The following HNRNPA3 variants were observed in gnomAD, a reference collection of about 807,000 sequenced individuals.
HNRNPA3 encodes epididymis secretory sperm binding protein.
Under a neutral mutation model 45.8 loss-of-function variants are expected in HNRNPA3, and 3 were observed. The ratio of observed to expected loss-of-function variants is 0.07; its 90% CI spans 0.03 to 0.17. The LOEUF (loss-of-function observed/expected upper bound fraction) is 0.17, where lower values mean the gene tolerates loss of function less well. Ranked by LOEUF, HNRNPA3 falls within the 10% of genes least tolerant of loss-of-function variation. The pLI is 1.00. For synonymous variants in HNRNPA3, 170 were observed against 155.6 expected, an observed-to-expected ratio of 1.09 and a Z score of -0.69; for missense variants, 183 against 480.3, an observed-to-expected ratio of 0.38 and a Z score of 5.79.
Position 177,217,695 on chromosome 2 carries a change from GTTTT to G in HNRNPA3, c.821-6_821-3del, listed in dbSNP as rs754028939. On this transcript the variant is annotated splice_region_variant and splice_polypyrimidine_tract_variant and intron_variant, in intron 7 of 10. Transcript: ENST00000392524. ...TTTTTGTGTGGTCTTGTTATTTGTT[GTTTT>G]TTTAGGTGGCAACTATGGCGGTGGT... is the stretch of plus-strand genomic sequence containing the variant. 2.9e-5 allele frequency: 46 copies of G among 1,612,260 alleles called. No individual in the cohort carries two copies. The highest frequency in any genetic ancestry group is 3.8e-5 in the Non-Finnish European group (45 of 1,179,788).
At chr2:177,222,980 T>G (rs1689249607), downstream of HNRNPA3, 1 of 152,612 alleles carries the variant, frequency 6.6e-6, no homozygotes, top group Non-Finnish European at 1.5e-5. Context: ...AACACTGAAT[T>G]ACCGTTCAAA....
At chr2:177,216,971 A>G (rs774781242) in intron 7 of HNRNPA3, 31 bp downstream of exon 7, 1 of 1,453,740 alleles carries the variant, frequency 6.9e-7, no homozygotes, top group Non-Finnish European at 9.2e-7. Flanking sequence ...GATGTTTGAT[A>G]TTTTAACTTT....
chr2:177,223,671 A>G (rs552359144), downstream of HNRNPA3: 7 of 152,344 alleles, frequency 4.6e-5, no homozygotes, highest in Admixed American at 2.0e-4. Flanking sequence ...TAAGCATGCC[A>G]GTGTGCAAGG....
At chr2:177,215,923 T>A in intron 3 of HNRNPA3, 27 bp downstream of exon 3, 2 of 1,597,444 alleles carry the variant, frequency 1.3e-6, no homozygotes, top group Non-Finnish European at 1.7e-6. Context: ...TTGTGTAATA[T>A]GTGAAATTGT....
At chr2:177,216,417 T>A (rs1473761647) in intron 4 of HNRNPA3, 86 bp from the exon 5 acceptor site, 10 of 934,122 alleles carry the variant, frequency 1.1e-5, no homozygotes, top group Non-Finnish European at 1.7e-5. Context: ...TCTTAATGGG[T>A]TACATAATGA....
At chr2:177,216,767 A>C in exon 6 of HNRNPA3, 1 of 1,614,166 alleles carries the variant, frequency 6.2e-7, no homozygotes, top group Admixed American at 1.7e-5. Context: ...ACTTTGGTGG[A>C]AGAGGTAGGC....
At chr2:177,214,009 A>T (rs1296890132) in intron 1 of HNRNPA3, among the ~76,000 whole-genome samples, 1 of 152,234 alleles carries the variant, frequency 6.6e-6, no homozygotes, top group East Asian at 1.9e-4. Flanking sequence ...ATCTCTTCAC[A>T]TTAAACGGTT....
chr2:177,217,762 G>C, exon 8 of HNRNPA3: 1 of 1,613,256 alleles, frequency 6.2e-7, no homozygotes, highest in East Asian at 2.2e-5. Flanking sequence ...GGTGGTGGTG[G>C]ACCAGGATAT....
chr2:177,220,544 A>G (rs528335799), downstream of HNRNPA3: 1 of 153,014 alleles, frequency 6.5e-6, no homozygotes, highest in South Asian at 2.1e-4. Context: ...ACTGGCTGGC[A>G]TGCTTTCCTG....
Position 177,219,235 on chromosome 2 carries a change from G to T in HNRNPA3, c.1085-12G>T. 1 of 1,612,836 alleles carries T rather than the reference G, an allele frequency of 6.2e-7. No homozygotes were observed. The highest frequency in any genetic ancestry group is 1.3e-5 in the African/African-American group (1 of 74,960). On this transcript the variant is annotated splice_polypyrimidine_tract_variant and intron_variant, in intron 9 of 10. Coordinates refer to ENST00000392524, the Ensembl canonical transcript of HNRNPA3. Reference sequence around the variant, plus strand: ...GTGCATACTTCTTTTAAAATACTATGTATATTTTCAGGTGGTTATGGATCT... The same window carrying T: ...GTGCATACTTCTTTTAAAATACTATTTATATTTTCAGGTGGTTATGGATCT...
At chr2:177,219,219 T>A (rs775545799) in intron 9 of HNRNPA3, 28 bp from the exon 10 acceptor site, 15 of 1,611,776 alleles carry the variant, frequency 9.3e-6, no homozygotes, top group East Asian at 2.2e-5. Context: ...TGTGCATACT[T>A]CTTTTAAAAT....
chr2:177,216,079 G>A, exon 4 of HNRNPA3: 2 of 1,557,316 alleles, frequency 1.3e-6, no homozygotes, highest in Non-Finnish European at 1.8e-6. Flanking sequence ...ACTTTGAAAA[G>A]TATGGCAAGA....
In HNRNPA3 at chr2:177,214,237, A is replaced by C. The variant is rs115850389; in HGVS notation, c.73-1302A>C. On this transcript the variant is annotated intron_variant, in intron 1 of 10. Coordinates refer to ENST00000392524, the Ensembl canonical transcript of HNRNPA3. ...TGCTGTACTCCGTTCTTATAGTCAGACAATACATACCATTCCTAATGTAAG... is the reference window on the plus strand; with the variant it reads ...TGCTGTACTCCGTTCTTATAGTCAGCCAATACATACCATTCCTAATGTAAG... 7.9e-3 allele frequency among the ~76,000 whole-genome samples: 1,202 copies of C among 152,388 alleles called. 19 individuals carry two copies. The highest frequency in any genetic ancestry group is 0.027 in the African/African-American group (1,141 of 41,590).
At chr2:177,217,229 G>A (rs1688979761) in intron 7 of HNRNPA3, among the ~76,000 whole-genome samples, 1 of 25,732 alleles carries the variant, frequency 3.9e-5, no homozygotes, top group African/African-American at 1.8e-4. Flanking sequence ...TTTACTATCA[G>A]AAGATGGGTT....
chr2:177,213,652 T>A (rs1241980751), intron 1 of HNRNPA3, among the ~76,000 whole-genome samples: 1 of 152,274 alleles, frequency 6.6e-6, no homozygotes, highest in Non-Finnish European at 1.5e-5. Flanking sequence ...AATTTGAGTG[T>A]AGATGTGAAA....
chr2:177,216,785 C>CT lies in HNRNPA3; in HGVS notation c.739+16dup. The CT allele has an allele frequency of 6.2e-7, 1 of 1,614,016 alleles. No homozygotes were observed. The highest frequency in any genetic ancestry group is 8.5e-7 in the Non-Finnish European group (1 of 1,179,960). On this transcript the variant is annotated intron_variant, in intron 6 of 10. Coordinates refer to ENST00000392524, the Ensembl canonical transcript of HNRNPA3. ...TTGGTGGAAGAGGTAGGCTGTTTATCTTCTAAGTACATGGATACCTGACAT... is the reference window on the plus strand; with the variant it reads ...TTGGTGGAAGAGGTAGGCTGTTTATCTTTCTAAGTACATGGATACCTGACAT...
chr2:177,217,813 A>G (rs1397925539), exon 8 of HNRNPA3: 1 of 1,597,138 alleles, frequency 6.3e-7, no homozygotes, highest in Non-Finnish European at 8.5e-7. Flanking sequence ...GGAGGATATG[A>G]TGGTTACAAT....
exon 5 of HNRNPA3, chr2:177,216,577 G>A (rs1224226406): frequency 6.8e-6 from 11 of 1,613,876 alleles, no homozygotes; most frequent in Non-Finnish European, 8.5e-6. Context: ...GATGCAGTCT[G>A]CTGGATCACA....
At chr2:177,214,273 CAGTT>C (rs748097178) in intron 1 of HNRNPA3, among the ~76,000 whole-genome samples, 2 of 152,288 alleles carry the variant, frequency 1.3e-5, no homozygotes, top group Admixed American at 6.5e-5. Flanking sequence ...TCCAACTTGC[CAGTT>C]AGTTGTGACT....
Sources: gnomAD v4.1 joint callset for allele counts (sites outside exome capture counted in the v4.1 genomes callset) on GRCh38, gnomAD v4.1.1 for gene constraint, MANE v1.5 for transcripts, NCBI Gene and HGNC (gene_info 2026-07-23, HGNC 2026-07-21) for gene names.